The following CA1 variants were observed in gnomAD, a reference collection of about 807,000 sequenced individuals.
CA1 encodes the protein carbonate dehydratase I.
Under a neutral mutation model 28.8 loss-of-function variants are expected in CA1, and 27 were observed. The observed-to-expected ratio is 0.94, with a 90% CI of 0.69 to 1.29. The LOEUF is 1.29. CA1 is among the 50% of genes most tolerant of loss of function. The probability of loss-of-function intolerance (pLI) is 0.00; values close to 1 mark genes in which losing one functional copy is unlikely to be tolerated. For synonymous variants in CA1, 121 were observed against 108.8 expected, an observed-to-expected ratio of 1.11 and a Z score of -0.70; for missense variants, 335 against 310.5, an observed-to-expected ratio of 1.08 and a Z score of -0.59.
chr8:85,345,331 C>G (rs142693111), intron 1 of CA1, among the ~76,000 whole-genome samples: 72 of 152,286 alleles, frequency 4.7e-4, no homozygotes, highest in Middle Eastern at 3.4e-3. Flanking sequence ...AATGACTTTC[C>G]TGAACTCCAA....
At chr8:85,345,905 T>C (rs969940908) in intron 1 of CA1, among the ~76,000 whole-genome samples, 1 of 152,126 alleles carries the variant, frequency 6.6e-6, no homozygotes, top group East Asian at 1.9e-4. Context: ...AATCTAACTC[T>C]TCAAATATAG....
chr8:85,345,749 T>C (rs1809154481), intron 1 of CA1, among the ~76,000 whole-genome samples: 2 of 152,110 alleles, frequency 1.3e-5, no homozygotes, highest in Admixed American at 6.5e-5. Context: ...TCATGTTTGT[T>C]TTTGGATTAA....
rs1808933572 is a variant in CA1 at position 85,341,589 on chromosome 8, G to T, written c.37+10C>A. 2.6e-6 allele frequency: 4 copies of T among 1,528,480 alleles called. No homozygotes were observed. Among genetic ancestry groups the T allele is most frequent in the Non-Finnish European group, 2.7e-6 (3 of 1,102,280 alleles). The allele number at this position is 1,528,480 out of a possible 1,614,324, so 94.7% of individuals were successfully genotyped here. A position where few individuals can be genotyped will look rare whatever the true frequency, so the allele number is the denominator to read the frequency against. On this transcript the variant is annotated intron_variant, in intron 2 of 7. Transcript: ENST00000523022. ...ATCATTTTGATCTATATAAACAGGA[G>T]AACTCTTACCATTTTTGTCATCATA...
chr8:85,346,651 A>G (rs1329676551), intron 1 of CA1, among the ~76,000 whole-genome samples: 2 of 152,048 alleles, frequency 1.3e-5, no homozygotes, highest in Non-Finnish European at 2.9e-5. Flanking sequence ...AATCCTAGCT[A>G]CTCGGGAGGC....
At chr8:85,372,722 A>G (rs549398324) in intron 1 of CA1, among the ~76,000 whole-genome samples, 1 of 152,316 alleles carries the variant, frequency 6.6e-6, no homozygotes, top group African/African-American at 2.4e-5. Context: ...GAAATAAACA[A>G]TACGTTTTCA....
At chr8:85,332,669 C>G in intron 5 of CA1, 117 bp from the exon 6 acceptor site, 1 of 761,468 alleles carries the variant, frequency 1.3e-6, no homozygotes. Flanking sequence ...TATTTTCTCT[C>G]TGCTTTAGAA....
intron 1 of CA1, among the ~76,000 whole-genome samples, chr8:85,356,992 A>G (rs938751857): frequency 1.3e-5 from 2 of 152,230 alleles, no homozygotes; most frequent in Non-Finnish European, 2.9e-5. Context: ...ATTTTTGGAA[A>G]GCAATACAAC....
chr8:85,332,625 T>G, intron 5 of CA1, 73 bp from the exon 6 acceptor site: 1 of 1,143,928 alleles, frequency 8.7e-7, no homozygotes, highest in Non-Finnish European at 1.3e-6. Context: ...AAATTTTGAA[T>G]TTTTTTTCAA....
At chr8:85,338,056 T>C in intron 3 of CA1, 196 bp downstream of exon 3, 1 of 694,046 alleles carries the variant, frequency 1.4e-6, no homozygotes, top group Non-Finnish European at 2.6e-6. Flanking sequence ...AGACTGAAAA[T>C]AGAGAGCTGG....
chr8:85,373,935 A>G (rs970429924), intron 1 of CA1, among the ~76,000 whole-genome samples: 3 of 152,140 alleles, frequency 2.0e-5, no homozygotes, highest in African/African-American at 7.2e-5. Context: ...GGGAGGAAGG[A>G]GTGGGGAGTT....
intron 1 of CA1, among the ~76,000 whole-genome samples, chr8:85,369,363 C>A (rs1810131818): frequency 1.3e-5 from 2 of 152,150 alleles, no homozygotes; most frequent in East Asian, 3.9e-4. Context: ...TTGGAGATTA[C>A]CCCGGCTTGC....
chr8:85,370,137 T>C (rs1427832085), intron 1 of CA1, among the ~76,000 whole-genome samples: 1 of 152,248 alleles, frequency 6.6e-6, no homozygotes, highest in Non-Finnish European at 1.5e-5. Context: ...AGGACTGTTC[T>C]AGAGAACTAG....
At chr8:85,338,103 C>T in intron 3 of CA1, 149 bp downstream of exon 3, 1 of 798,580 alleles carries the variant, frequency 1.3e-6, no homozygotes, top group Non-Finnish European at 2.2e-6. Context: ...TGGGCGTTTT[C>T]CAGAAGTCCA....
chr8:85,350,081 T>C (rs1055263439), intron 1 of CA1, among the ~76,000 whole-genome samples: 4 of 152,238 alleles, frequency 2.6e-5, no homozygotes, highest in African/African-American at 4.8e-5. Flanking sequence ...TTATTCTGAA[T>C]TTCCTGTTTT....
chr8:85,334,044 G>A (rs1018363171), intron 4 of CA1, among the ~76,000 whole-genome samples: 2 of 152,134 alleles, frequency 1.3e-5, no homozygotes, highest in African/African-American at 4.8e-5. Flanking sequence ...ATTCTTTCAG[G>A]CACGTTCGTG....
chr8:85,336,594 C>T (rs1465126209), intron 4 of CA1, among the ~76,000 whole-genome samples: 3 of 152,046 alleles, frequency 2.0e-5, no homozygotes, highest in Non-Finnish European at 2.9e-5. Context: ...CAAACTTGAA[C>T]GTTTAAATAA....
At chr8:85,372,044 A>C (rs910775198) in intron 1 of CA1, among the ~76,000 whole-genome samples, 1 of 152,160 alleles carries the variant, frequency 6.6e-6, no homozygotes, top group Non-Finnish European at 1.5e-5. Context: ...GCCACTTTTT[A>C]AGTGCAGACT....
chr8:85,369,328 T>C (rs1055458104), intron 1 of CA1, among the ~76,000 whole-genome samples: 1 of 152,156 alleles, frequency 6.6e-6, no homozygotes, highest in Non-Finnish European at 1.5e-5. Context: ...AAATTCAGTT[T>C]CCTAATGCTC....
chr8:85,359,559 G>A (rs1384851720), intron 1 of CA1, among the ~76,000 whole-genome samples: 1 of 152,196 alleles, frequency 6.6e-6, no homozygotes, highest in Non-Finnish European at 1.5e-5. Context: ...TTGGTGGAGA[G>A]GGTTTGGAAG....
Sources: allele counts gnomAD v4.1 joint callset (sites outside exome capture counted in the v4.1 genomes callset), GRCh38; gene constraint gnomAD v4.1.1; transcripts MANE v1.5; gene names NCBI Gene and HGNC (gene_info 2026-07-23, HGNC 2026-07-21).